KLF12: variants seen among roughly 807,000 people sequenced by gnomAD.
The protein encoded by KLF12 is Krueppel-like factor 12.
KLF12 carries 9 observed loss-of-function variants against 37.8 expected under a neutral mutation model. That is an observed-to-expected ratio of 0.24 (90% CI 0.14 to 0.42). The LOEUF is 0.42. Among genes scored for constraint, KLF12 ranks in the 10% least tolerant of loss-of-function variants. KLF12 has a pLI of 1.00. For missense variants in KLF12, 411 were observed against 516.0 expected, an observed-to-expected ratio of 0.80 and a Z score of 1.97; for synonymous variants, 208 against 202.1, an observed-to-expected ratio of 1.03 and a Z score of -0.25.
At chr13:73,806,699 A>C (rs1193913264) in intron 5 of KLF12, among the ~76,000 whole-genome samples, 2 of 151,710 alleles carry the variant, frequency 1.3e-5, no homozygotes, top group Admixed American at 1.3e-4. Context: ...CTCTGGGGAG[A>C]GAATAAACCT....
At chr13:73,923,033 C>T (rs562228624) in intron 3 of KLF12, among the ~76,000 whole-genome samples, 1 of 152,288 alleles carries the variant, frequency 6.6e-6, no homozygotes, top group East Asian at 1.9e-4. Context: ...GATGTGGAAT[C>T]TTTGGAGATG....
At chr13:73,896,209 C>A (rs1159916964) in intron 3 of KLF12, among the ~76,000 whole-genome samples, 2 of 152,100 alleles carry the variant, frequency 1.3e-5, no homozygotes, top group African/African-American at 2.4e-5. Flanking sequence ...ATACTAAAAT[C>A]AAAAATAGTT....
intron 6 of KLF12, among the ~76,000 whole-genome samples, chr13:73,764,199 T>C (rs1879752227): frequency 6.6e-6 from 1 of 152,166 alleles, no homozygotes; most frequent in Admixed American, 6.5e-5. Context: ...ACAGTTCATT[T>C]TTTTCTTTTT....
the KLF12 span, among the ~76,000 whole-genome samples, chr13:74,295,761 C>A: frequency 6.6e-6 from 1 of 152,034 alleles, no homozygotes; most frequent in Non-Finnish European, 1.5e-5. Context: ...CTTTCCTGGA[C>A]TAAAAATAGT....
intron 6 of KLF12, among the ~76,000 whole-genome samples, chr13:73,752,427 T>G (rs1355260908): frequency 6.6e-6 from 1 of 152,196 alleles, no homozygotes; most frequent in Non-Finnish European, 1.5e-5. Context: ...ACCACACACA[T>G]GCACCCTGTG....
chr13:74,295,530 G>A, the KLF12 span, among the ~76,000 whole-genome samples: 1 of 152,188 alleles, frequency 6.6e-6, no homozygotes. Context: ...TATACTTGCT[G>A]TAATGTGCTG....
chr13:73,749,411 A>G (rs1878590679), intron 6 of KLF12, among the ~76,000 whole-genome samples: 1 of 152,196 alleles, frequency 6.6e-6, no homozygotes, highest in Non-Finnish European at 1.5e-5. Context: ...TAAAACTAAA[A>G]GACTGATCTT....
At chr13:73,982,668 T>A (rs1891717333) in intron 2 of KLF12, among the ~76,000 whole-genome samples, 1 of 152,244 alleles carries the variant, frequency 6.6e-6, no homozygotes, top group Non-Finnish European at 1.5e-5. Context: ...TCATATTTGT[T>A]ACTATATTTA....
At chr13:74,220,282 A>AT in the KLF12 span, among the ~76,000 whole-genome samples, 4 of 152,158 alleles carry the variant, frequency 2.6e-5, no homozygotes, top group African/African-American at 9.7e-5. Flanking sequence ...CACATTGTAG[A>AT]TTTTTGTCTT....
At chr13:74,253,956 G>A in the KLF12 span, among the ~76,000 whole-genome samples, 16 of 152,126 alleles carry the variant, frequency 1.1e-4, no homozygotes, top group Non-Finnish European at 1.9e-4. Context: ...AAACTTATTT[G>A]ACCAGGGAGT....
intron 1 of KLF12, among the ~76,000 whole-genome samples, chr13:74,091,995 T>TAA (rs55924732): frequency 0.024 from 3,465 of 144,722 alleles, 80 homozygotes; most frequent in Non-Finnish European, 0.037. Flanking sequence ...AAGCAACCTT[T>TAA]AAAAAAAAAA....
At chr13:74,221,156 GCCA>G in the KLF12 span, among the ~76,000 whole-genome samples, 17 of 151,846 alleles carry the variant, frequency 1.1e-4, no homozygotes, top group South Asian at 2.1e-4. Context: ...AAGCACCGCC[GCCA>G]CCACGCCCGG....
chr13:74,275,822 C>A, the KLF12 span, among the ~76,000 whole-genome samples: 1 of 107,212 alleles, frequency 9.3e-6, no homozygotes, highest in Admixed American at 1.0e-4. Flanking sequence ...TTCTTTCTTT[C>A]TTTCTTTCTT....
chr13:73,886,766 C>A (rs775480807), intron 3 of KLF12, among the ~76,000 whole-genome samples: 4 of 152,060 alleles, frequency 2.6e-5, no homozygotes, highest in Non-Finnish European at 4.4e-5. Flanking sequence ...CCGAGGCGAG[C>A]GGATCACCTG....
At chr13:73,994,664 GCTT>G (rs1396206797) in intron 2 of KLF12, among the ~76,000 whole-genome samples, 1 of 151,972 alleles carries the variant, frequency 6.6e-6, no homozygotes, top group Non-Finnish European at 1.5e-5. Context: ...AAAAAATCTG[GCTT>G]CTTTTTTTGT....
At chr13:73,737,032 G>A (rs1012486372) in intron 6 of KLF12, among the ~76,000 whole-genome samples, 3 of 152,036 alleles carry the variant, frequency 2.0e-5, no homozygotes, top group Non-Finnish European at 4.4e-5. Flanking sequence ...CGTACCAGTG[G>A]ATTTCTGAGA....
the KLF12 span, among the ~76,000 whole-genome samples, chr13:74,181,712 C>CAAAAAAAAAAAAAA: frequency 9.4e-6 from 1 of 105,822 alleles, no homozygotes; most frequent in Non-Finnish European, 2.2e-5. Context: ...AAAAAAAAAA[C>CAAAAAAAAAAAAAA]AAAAAAAAAA....
At chr13:73,875,275 T>C (rs758763238) in intron 3 of KLF12, among the ~76,000 whole-genome samples, 50 of 152,202 alleles carry the variant, frequency 3.3e-4, no homozygotes, top group Non-Finnish European at 1.0e-4. Context: ...TATTCTCTTT[T>C]AAGGTTACAA....
At chr13:73,706,751 A>G (rs1251938427) in intron 7 of KLF12, among the ~76,000 whole-genome samples, 1 of 152,126 alleles carries the variant, frequency 6.6e-6, no homozygotes, top group Non-Finnish European at 1.5e-5. Flanking sequence ...GTATTATTTT[A>G]TATGCTGGAT....
Sources: allele counts gnomAD v4.1 joint callset (sites outside exome capture counted in the v4.1 genomes callset), GRCh38; gene constraint gnomAD v4.1.1; transcripts MANE v1.5; gene names NCBI Gene and HGNC (gene_info 2026-07-23, HGNC 2026-07-21).